The following ATP1A4 variants were observed in gnomAD, a reference collection of about 807,000 sequenced individuals.
The protein encoded by ATP1A4 is sodium/potassium-transporting ATPase subunit alpha-4.
In ATP1A4, 90 loss-of-function variants were observed where a neutral mutation model predicts 114.3. That is an observed-to-expected ratio of 0.79 (90% confidence interval 0.66 to 0.94). The LOEUF (loss-of-function observed/expected upper bound fraction) is 0.94, where lower values mean the gene tolerates loss of function less well. ATP1A4 is among the 40% of genes least tolerant of loss of function. The probability of loss-of-function intolerance (pLI) is 0.00; values close to 1 mark genes in which losing one functional copy is unlikely to be tolerated. For missense variants in ATP1A4, 1,222 were observed against 1,313.6 expected (o/e 0.93, Z 1.08); for synonymous variants, 511 against 494.1 (o/e 1.03, Z -0.45).
In ATP1A4 at chr1:160,174,011, T is replaced by C. The variant is rs568497459; in HGVS notation, c.1992-100T>C. 1.8e-5 allele frequency: 26 copies of C among 1,413,096 alleles called. No homozygotes were observed. The African/African-American group carries it at 2.7e-4, about 15-fold the overall frequency. The allele number at this position is 1,413,096 out of a possible 1,614,324, so 87.5% of individuals were successfully genotyped here. A position where few individuals can be genotyped will look rare whatever the true frequency, so the allele number is the denominator to read the frequency against. On this transcript the variant is annotated intron_variant, in intron 13 of 21. Transcript: ENST00000368081. The stretch of plus-strand genomic sequence containing the variant: ...GCTAGGGACAAGTGAGGAGACTAGG[T>C]TGAAAGAAGAAGCAATGAAGCTATA...
rs563278989 is a variant in ATP1A4 at position 160,168,447 on chromosome 1, A to G, written c.1491+1035A>G. ...GCCCAGGCTGGAGTGCAATGGCGCAATCTTGGCTCACTGCAACCTCCACCT... is the reference window on the plus strand; with the variant it reads ...GCCCAGGCTGGAGTGCAATGGCGCAGTCTTGGCTCACTGCAACCTCCACCT... On this transcript the variant is annotated intron_variant, in intron 10 of 21. Transcript: ENST00000368081. Among the ~76,000 whole-genome samples the G allele has an allele frequency of 5.6e-3, 811 of 145,856 alleles. 7 individuals are homozygous for G. The highest frequency in any genetic ancestry group is 0.031 in the Middle Eastern group (8 of 254).
rs1175402270 is a variant in ATP1A4 at position 160,166,845 on chromosome 1, G to C, written c.1246+119G>C. On this transcript the variant is annotated intron_variant, in intron 8 of 21. Transcript: ENST00000368081. The stretch of plus-strand genomic sequence containing the variant: ...GAGCCTGAAAGTGGAGTGGAGAAGA[G>C]GGAGGTGTGAAGGAAAAGAAATGCT... 7 of 1,511,496 alleles carry C rather than the reference G, an allele frequency of 4.6e-6. No homozygotes were observed. In the East Asian group the frequency reaches 1.4e-4, roughly 30 times the overall value. The allele number at this position is 1,511,496 out of a possible 1,614,324, so 93.6% of individuals were successfully genotyped here. A position where few individuals can be genotyped will look rare whatever the true frequency, so the allele number is the denominator to read the frequency against.
chr1:160,156,240 A>C lies in ATP1A4; in HGVS notation c.525+82A>C, dbSNP rs887331572. On this transcript the variant is annotated intron_variant, in intron 4 of 21. Transcript: ENST00000368081. ...CAATGATGAAGTCCCGTGGAAAATT[A>C]TATCCTATGATAAGTGAGCTGAGTG... 6 of 946,050 alleles carry C rather than the reference A, an allele frequency of 6.3e-6. No individual in the cohort carries two copies. In the African/African-American group the frequency reaches 9.7e-5, roughly 15 times the overall value. The allele number at this position is 946,050 out of a possible 1,614,324, so 58.6% of individuals were successfully genotyped here. A position where few individuals can be genotyped will look rare whatever the true frequency, so the allele number is the denominator to read the frequency against.
At chr1:160,168,543 C>A (rs553997139) in intron 10 of ATP1A4, among the ~76,000 whole-genome samples, 5 of 151,916 alleles carry the variant, frequency 3.3e-5, no homozygotes, top group Admixed American at 6.6e-5. Context: ...CCACCACGCC[C>A]GGCTAATTTT....
intron 6 of ATP1A4, among the ~76,000 whole-genome samples, chr1:160,163,182 T>TC (rs11394458): frequency 0.024 from 3,682 of 152,162 alleles, 141 homozygotes; most frequent in African/African-American, 0.085. Flanking sequence ...CTTTTTTTTT[T>TC]CTCTACACTC....
intron 18 of ATP1A4, among the ~76,000 whole-genome samples, chr1:160,180,847 TG>T (rs1653668478): frequency 1.3e-5 from 2 of 152,090 alleles, no homozygotes; most frequent in African/African-American, 4.8e-5. Context: ...CCCGAGCAGC[TG>T]GGACTACAGG....
intron 6 of ATP1A4, among the ~76,000 whole-genome samples, chr1:160,162,038 A>C (rs1389129533): frequency 6.6e-6 from 1 of 152,120 alleles, no homozygotes; most frequent in Non-Finnish European, 1.5e-5. Flanking sequence ...AACCTTCTAG[A>C]CTCTTAAAAA....
At chr1:160,185,382 A>G (rs1480701426) in intron 20 of ATP1A4, among the ~76,000 whole-genome samples, 1 of 151,470 alleles carries the variant, frequency 6.6e-6, no homozygotes, top group Non-Finnish European at 1.5e-5. Flanking sequence ...AAGTGCTGGG[A>G]TTACAAGTGT....
At chr1:160,182,177 A>G (rs1353564881) in intron 20 of ATP1A4, 146 bp downstream of exon 20, 10 of 682,704 alleles carry the variant, frequency 1.5e-5, no homozygotes, top group Non-Finnish European at 1.8e-5. Context: ...AAGGAGAGTC[A>G]TCTGTGCTCT....
chr1:160,156,013 C>T (rs1439147406), intron 3 of ATP1A4, 32 bp from the exon 4 acceptor site: 1 of 1,333,366 alleles, frequency 7.5e-7, no homozygotes. Flanking sequence ...GACAAGGTCC[C>T]ACTGATAAAC....
intron 20 of ATP1A4, among the ~76,000 whole-genome samples, chr1:160,184,526 G>T (rs928488702): frequency 6.6e-6 from 1 of 151,938 alleles, no homozygotes. Context: ...CAGCCTGGAC[G>T]ACAGAGCAAG....
chr1:160,162,718 G>C lies in ATP1A4; in HGVS notation c.779-1438G>C, dbSNP rs781666693. ...CCAAATGTCCCCAGGGAAGGGGGTT[G>C]GTGGGTAGGGATTGCCTCCAGTTGA... On this transcript the variant is annotated intron_variant, in intron 6 of 21. Coordinates refer to ENST00000368081, the MANE Select transcript of ATP1A4 (RefSeq NM_144699.4). 1.2e-4 allele frequency among the ~76,000 whole-genome samples: 18 copies of C among 152,290 alleles called. 1 individual carries two copies. The highest frequency in any genetic ancestry group is 4.1e-4 in the South Asian group (2 of 4,824).
intron 18 of ATP1A4, among the ~76,000 whole-genome samples, chr1:160,178,762 C>T (rs1438904813): frequency 3.3e-5 from 5 of 152,182 alleles, no homozygotes; most frequent in Non-Finnish European, 7.3e-5. Context: ...TAGAGGATAC[C>T]TCTCTATAGT....
Position 160,176,075 on chromosome 1 carries a change from T to C in ATP1A4, c.2312-17T>C, listed in dbSNP as rs1304826910. ...TTCTCCCAGGGCTTCTCACAGGAGG[T>C]TGACCTTCCTCCCCAGGCCGCCTGA... On this transcript the variant is annotated splice_polypyrimidine_tract_variant and intron_variant, in intron 15 of 21. Transcript: ENST00000368081. 1 of 1,613,736 alleles carries C rather than the reference T, an allele frequency of 6.2e-7. No homozygotes were observed. Among genetic ancestry groups the C allele is most frequent in the South Asian group, 1.1e-5 (1 of 91,044 alleles).
chr1:160,163,172 C>A (rs1165334555), intron 6 of ATP1A4, among the ~76,000 whole-genome samples: 1 of 149,406 alleles, frequency 6.7e-6, no homozygotes, highest in African/African-American at 2.5e-5. Flanking sequence ...CAAGAAACAG[C>A]TTTTTTTTTT....
At chr1:160,161,966 G>A (rs1652878732) in intron 6 of ATP1A4, among the ~76,000 whole-genome samples, 2 of 152,146 alleles carry the variant, frequency 1.3e-5, no homozygotes, top group South Asian at 2.1e-4. Context: ...GAAACCCTAA[G>A]TTCATCTAAA....
In ATP1A4 at chr1:160,159,061, G is replaced by C; in HGVS notation, c.585G>C (p.Leu195Phe). ...KMQINVQEVVLGDLVEIKGGD... is the reference protein window; with the variant it reads ...KMQINVQEVVFGDLVEIKGGD... ...AAATTAATGTACAAGAGGTGGTGTT[G>C]GGAGACCTGGTGGAAATCAAGGGTG... Residue 195 changes from leucine (L) to phenylalanine (F), a missense_variant, in exon 5 of 22, where the codon TTG (leucine) becomes TTC (phenylalanine). By Grantham distance (22) the Leu-to-Phe change is conservative (BLOSUM62 0). Coordinates refer to ENST00000368081, the MANE Select transcript of ATP1A4 (RefSeq NM_144699.4). The C allele has an allele frequency of 6.2e-7, 1 of 1,614,110 alleles. No homozygotes were observed. Among genetic ancestry groups the C allele is most frequent in the South Asian group, 1.1e-5 (1 of 91,070 alleles).
At position 160,159,104 on chromosome 1, in the gene ATP1A4, G is replaced by A. The variant is rs778367595; in HGVS notation, c.628G>A (p.Asp210Asn). 2 of 1,614,136 alleles carry A rather than the reference G, an allele frequency of 1.2e-6. No homozygotes were observed. Among genetic ancestry groups the A allele is most frequent in the Non-Finnish European group, 1.7e-6 (2 of 1,179,986 alleles). Residue 210 changes from aspartate (D) to asparagine (N), a missense_variant, in exon 5 of 22, where the codon GAC becomes AAC. Transcript: ENST00000368081. ...CAAGGGTGGAGACCGAGTCCCTGCT[G>A]ACCTCCGGCTTATCTCTGCACAAGG... ...EIKGGDRVPA[D>N]LRLISAQGCK... is the part of the protein sequence containing the mutation.
At chr1:160,152,878 A>G (rs1652505246) in intron 1 of ATP1A4, among the ~76,000 whole-genome samples, 1 of 152,088 alleles carries the variant, frequency 6.6e-6, no homozygotes, top group Non-Finnish European at 1.5e-5. Flanking sequence ...CTCTAAAAAT[A>G]CAAAAATTAG....
Sources: gnomAD v4.1 joint callset for allele counts (sites outside exome capture counted in the v4.1 genomes callset) on GRCh38, gnomAD v4.1.1 for gene constraint, MANE v1.5 for transcripts, NCBI Gene and HGNC (gene_info 2026-07-23, HGNC 2026-07-21) for gene names.